FAF1: variants seen among roughly 807,000 people sequenced by gnomAD.
FAF1 encodes the protein Fas associated factor 1.
In FAF1, 25 loss-of-function variants were observed where a neutral mutation model predicts 92.5. The observed-to-expected ratio is 0.27, with a 90% confidence interval of 0.20 to 0.38. FAF1 has a LOEUF of 0.38. FAF1 is among the 10% of genes least tolerant of loss of function. FAF1 has a pLI of 1.00. For missense variants in FAF1, 636 were observed against 793.3 expected, an observed-to-expected ratio of 0.80 and a Z score of 2.38; for synonymous variants, 234 against 273.2, an observed-to-expected ratio of 0.86 and a Z score of 1.42.
intron 1 of FAF1, among the ~76,000 whole-genome samples, chr1:50,904,141 A>C (rs1644817363): frequency 6.6e-6 from 1 of 152,234 alleles, no homozygotes; most frequent in African/African-American, 2.4e-5. Context: ...TTGATAGATG[A>C]ATAAACAAAA....
At chr1:50,695,948 C>CTTTTT in intron 7 of FAF1, among the ~76,000 whole-genome samples, 1 of 129,394 alleles carries the variant, frequency 7.7e-6, no homozygotes, top group Non-Finnish European at 1.7e-5. Context: ...CGTGCTTGGC[C>CTTTTT]TTTTTTTTTT....
chr1:50,847,483 G>T lies in FAF1; in HGVS notation c.114+10446C>A, dbSNP rs141456152. ...CCACAACAGTCTCATCAGTAGAACT[G>T]ACACAGTCAAGGAAAGAATAAGTGA... On this transcript the variant is annotated intron_variant, in intron 2 of 18. Coordinates refer to ENST00000396153, the MANE Select transcript of FAF1 (RefSeq NM_007051.3). Among the ~76,000 whole-genome samples, 362 of 147,708 alleles carry T rather than the reference G, an allele frequency of 2.5e-3. 1 individual carries two copies. Among genetic ancestry groups the T allele is most frequent in the Middle Eastern group, 0.014 (4 of 282 alleles).
intron 4 of FAF1, among the ~76,000 whole-genome samples, chr1:50,761,201 T>C (rs1327320288): frequency 6.6e-6 from 1 of 152,150 alleles, no homozygotes; most frequent in African/African-American, 2.4e-5. Context: ...AATCAATAGC[T>C]TACCAACCTA....
chr1:50,443,715 G>C (rs1223729841), intron 18 of FAF1, among the ~76,000 whole-genome samples: 1 of 152,170 alleles, frequency 6.6e-6, no homozygotes, highest in Non-Finnish European at 1.5e-5. Flanking sequence ...TAGTTAAATG[G>C]AATAATGTTG....
chr1:50,790,300 C>T (rs920598197), intron 3 of FAF1, among the ~76,000 whole-genome samples: 1 of 152,026 alleles, frequency 6.6e-6, no homozygotes, highest in Non-Finnish European at 1.5e-5. Context: ...CGCCACCACG[C>T]CTGGCTAATT....
intron 1 of FAF1, among the ~76,000 whole-genome samples, chr1:50,861,740 A>C (rs1306976040): frequency 6.6e-6 from 1 of 151,912 alleles, no homozygotes; most frequent in East Asian, 1.9e-4. Flanking sequence ...ATGCCCTTGT[A>C]AGAAGAGATA....
At chr1:50,608,602 G>T (rs1652536290) in intron 8 of FAF1, among the ~76,000 whole-genome samples, 1 of 152,186 alleles carries the variant, frequency 6.6e-6, no homozygotes, top group African/African-American at 2.4e-5. Context: ...GAGGGGAGGG[G>T]AAGAAGTAGT....
At chr1:50,562,892 G>C (rs1366436317) in intron 13 of FAF1, among the ~76,000 whole-genome samples, 4 of 152,156 alleles carry the variant, frequency 2.6e-5, no homozygotes, top group African/African-American at 9.7e-5. Flanking sequence ...GATTCAACTA[G>C]CCAAGTATCA....
At chr1:50,444,549 C>A (rs546728484) in intron 18 of FAF1, among the ~76,000 whole-genome samples, 1 of 152,316 alleles carries the variant, frequency 6.6e-6, no homozygotes, top group Admixed American at 6.5e-5. Flanking sequence ...CAACTTTTTA[C>A]AGACAGACAG....
chr1:50,598,698 C>T (rs962241681), intron 8 of FAF1, among the ~76,000 whole-genome samples: 3 of 151,908 alleles, frequency 2.0e-5, no homozygotes, highest in Non-Finnish European at 4.4e-5. Flanking sequence ...GTGCTGGGCG[C>T]GGTGGCTCAC....
At chr1:50,498,388 G>GA (rs1054471399) in intron 15 of FAF1, among the ~76,000 whole-genome samples, 2 of 151,802 alleles carry the variant, frequency 1.3e-5, no homozygotes, top group African/African-American at 4.8e-5. Context: ...AGCATAAAAA[G>GA]AAAAAAACAG....
At chr1:50,773,535 A>C (rs1402717162) in intron 4 of FAF1, among the ~76,000 whole-genome samples, 4 of 152,246 alleles carry the variant, frequency 2.6e-5, no homozygotes, top group Non-Finnish European at 5.9e-5. Flanking sequence ...AACATGAATG[A>C]GTCTAGAGAA....
chr1:50,622,174 A>AT (rs1653245481), intron 8 of FAF1, among the ~76,000 whole-genome samples: 1 of 151,680 alleles, frequency 6.6e-6, no homozygotes, highest in Non-Finnish European at 1.5e-5. Flanking sequence ...CAAAAAAAAA[A>AT]AAATAAAAAG....
At chr1:50,895,168 C>T (rs1644749054) in intron 1 of FAF1, among the ~76,000 whole-genome samples, 2 of 151,808 alleles carry the variant, frequency 1.3e-5, no homozygotes, top group South Asian at 4.2e-4. Flanking sequence ...TAAATAAAGT[C>T]AGAGATTAAA....
At chr1:50,637,325 C>T (rs1369470753) in intron 8 of FAF1, among the ~76,000 whole-genome samples, 1 of 148,538 alleles carries the variant, frequency 6.7e-6, no homozygotes, top group Non-Finnish European at 1.5e-5. Flanking sequence ...TGGTGGCAGG[C>T]ACCTGTAATC....
rs1430958656 is a variant in FAF1 at position 50,732,580 on chromosome 1, A to G, written c.551+6283T>C. Reference sequence around the variant, plus strand: ...ACTATAGTATATTCTTACAGTTAATATTTCCCTGGGGTCACTTTCTTTTCC... The same window carrying G: ...ACTATAGTATATTCTTACAGTTAATGTTTCCCTGGGGTCACTTTCTTTTCC... On this transcript the variant is annotated intron_variant, in intron 6 of 18. Transcript: ENST00000396153. Among the ~76,000 whole-genome samples the G allele has an allele frequency of 5.9e-5, 9 of 152,242 alleles. 1 individual carries two copies. In the East Asian group the frequency reaches 1.7e-3, roughly 29 times the overall value.
At chr1:50,543,735 G>A (rs1444557205) in intron 13 of FAF1, among the ~76,000 whole-genome samples, 2 of 151,316 alleles carry the variant, frequency 1.3e-5, no homozygotes, top group African/African-American at 4.9e-5. Flanking sequence ...AAGATTTGTT[G>A]ACTAAACCAA....
intron 1 of FAF1, among the ~76,000 whole-genome samples, chr1:50,871,354 G>A (rs935839449): frequency 2.0e-5 from 3 of 152,164 alleles, no homozygotes; most frequent in African/African-American, 7.2e-5. Flanking sequence ...CATTCTATGT[G>A]GATAAAACAG....
At chr1:50,772,189 A>AATAC (rs1439051739) in intron 4 of FAF1, among the ~76,000 whole-genome samples, 2 of 152,134 alleles carry the variant, frequency 1.3e-5, no homozygotes, top group Non-Finnish European at 2.9e-5. Context: ...TAAATAAATA[A>AATAC]ATAAATAATA....
Sources: gnomAD v4.1 joint callset for allele counts (sites outside exome capture counted in the v4.1 genomes callset) on GRCh38, gnomAD v4.1.1 for gene constraint, MANE v1.5 for transcripts, NCBI Gene and HGNC (gene_info 2026-07-23, HGNC 2026-07-21) for gene names.